Variants in FNDC3A observed in about 807,000 individuals in gnomAD.
FNDC3A encodes the protein fibronectin type-III domain-containing protein 3A.
FNDC3A carries 32 observed loss-of-function variants against 148.9 expected under a neutral mutation model. That is an observed-to-expected ratio of 0.21 (90% CI 0.16 to 0.29). The LOEUF is 0.29. Among genes scored for constraint, FNDC3A ranks in the 10% least tolerant of loss-of-function variants. The probability of loss-of-function intolerance (pLI) is 1.00; values close to 1 mark genes in which losing one functional copy is unlikely to be tolerated. For synonymous variants in FNDC3A, 472 were observed against 473.6 expected (o/e 1.00, Z 0.04); for missense variants, 1,191 against 1,452.8 (o/e 0.82, Z 2.93).
At chr13:48,991,876 A>G (rs954388447) in intron 1 of FNDC3A, among the ~76,000 whole-genome samples, 4 of 152,350 alleles carry the variant, frequency 2.6e-5, no homozygotes, top group African/African-American at 7.2e-5. Flanking sequence ...AGCCTAGCCT[A>G]TCTTAAATGT....
At chr13:49,157,664 G>C (rs1883788160) in intron 8 of FNDC3A, among the ~76,000 whole-genome samples, 1 of 147,132 alleles carries the variant, frequency 6.8e-6, no homozygotes. Flanking sequence ...ATCTACTTTT[G>C]GTCTTTGATG....
At chr13:49,173,405 T>C (rs1884864866) in intron 11 of FNDC3A, among the ~76,000 whole-genome samples, 1 of 152,196 alleles carries the variant, frequency 6.6e-6, no homozygotes, top group African/African-American at 2.4e-5. Context: ...TTGATAAAAA[T>C]TACCATTCAT....
At position 49,090,151 on chromosome 13, in the gene FNDC3A, G is replaced by A. The variant is rs527605326; in HGVS notation, c.175+14787G>A. Among the ~76,000 whole-genome samples, 31 of 152,256 alleles carry A rather than the reference G, an allele frequency of 2.0e-4. No individual in the cohort carries two copies. The East Asian group carries it at 5.6e-3, about 28-fold the overall frequency. On this transcript the variant is annotated intron_variant, in intron 3 of 25. Coordinates refer to ENST00000492622, the MANE Select transcript of FNDC3A (RefSeq NM_001079673.2). ...AGAACATATCCCAGAGGCCAGACGC[G>A]CTGGCTCACACCTGTAATCCCAGCA...
intron 16 of FNDC3A, chr13:49,187,492 A>ATT (rs1184101828): frequency 1.3e-6 from 2 of 1,536,554 alleles, no homozygotes; most frequent in Non-Finnish European, 1.8e-6. Flanking sequence ...TGTTTTAAGT[A>ATT]GTTGTTGTCT....
At chr13:48,992,606 C>T (rs948631457) in intron 1 of FNDC3A, among the ~76,000 whole-genome samples, 4 of 152,054 alleles carry the variant, frequency 2.6e-5, no homozygotes, top group South Asian at 2.1e-4. Flanking sequence ...TGAGAGATGA[C>T]GGGTAAGTTC....
intron 2 of FNDC3A, among the ~76,000 whole-genome samples, chr13:49,025,677 G>T (rs1873654645): frequency 6.6e-6 from 1 of 152,046 alleles, no homozygotes; most frequent in Admixed American, 6.6e-5. Flanking sequence ...ATCTTGAGGT[G>T]ATTAATTGGA....
In FNDC3A at chr13:49,185,966, T is replaced by G; in HGVS notation, c.1620T>G (p.Val540=). 6.2e-7 allele frequency: 1 copy of G among 1,609,806 alleles called. No homozygotes were observed. Among genetic ancestry groups the G allele is most frequent in the Non-Finnish European group, 8.5e-7 (1 of 1,176,872 alleles). The change falls in exon 15 of 26, where the codon GTT becomes GTG. Residue 540 remains valine (V), a splice_region_variant and synonymous_variant. Coordinates refer to ENST00000492622, the MANE Select transcript of FNDC3A (RefSeq NM_001079673.2). ...ATGTCTTTCTGTTCTCATCACAGGT[T>G]ATTGCTTACAACTCAGAAGGTAAAA... ...LRRSTKYKFK[V]IAYNSEGKSN...
intron 23 of FNDC3A, among the ~76,000 whole-genome samples, chr13:49,200,890 C>T (rs1197024734): frequency 6.6e-6 from 1 of 151,234 alleles, no homozygotes; most frequent in African/African-American, 2.4e-5. Flanking sequence ...TTAGTTGTTC[C>T]CTGATCCAGA....
chr13:49,069,038 G>C (rs1428286309), intron 2 of FNDC3A, among the ~76,000 whole-genome samples: 1 of 151,930 alleles, frequency 6.6e-6, no homozygotes, highest in African/African-American at 2.4e-5. Context: ...AAACCTACAC[G>C]TGTACCGTGA....
intron 8 of FNDC3A, among the ~76,000 whole-genome samples, chr13:49,154,576 G>C (rs1301549511): frequency 2.1e-3 from 170 of 81,108 alleles, no homozygotes; most frequent in African/African-American, 8.3e-3. Context: ...AGTGGTGAGA[G>C]AGGGCATCCC....
intron 2 of FNDC3A, among the ~76,000 whole-genome samples, chr13:49,037,229 G>A (rs930544082): frequency 6.6e-6 from 1 of 152,192 alleles, no homozygotes; most frequent in Non-Finnish European, 1.5e-5. Context: ...TGCATAGATA[G>A]TGCTTACTAT....
At chr13:49,114,420 C>G (rs572052860) in intron 3 of FNDC3A, among the ~76,000 whole-genome samples, 16 of 151,284 alleles carry the variant, frequency 1.1e-4, no homozygotes, top group South Asian at 4.2e-4. Context: ...TCCCCGCCCC[C>G]CACCACCCCT....
At chr13:48,980,077 A>AT (rs1372972623) in intron 1 of FNDC3A, among the ~76,000 whole-genome samples, 1 of 152,170 alleles carries the variant, frequency 6.6e-6, no homozygotes, top group Non-Finnish European at 1.5e-5. Flanking sequence ...CTAAAAAAAA[A>AT]GTATGTAGAA....
chr13:49,081,553 G>T (rs533758510), intron 3 of FNDC3A, among the ~76,000 whole-genome samples: 1 of 152,236 alleles, frequency 6.6e-6, no homozygotes, highest in East Asian at 1.9e-4. Context: ...CATCATGTAG[G>T]ACTTAGAACA....
intron 2 of FNDC3A, among the ~76,000 whole-genome samples, chr13:49,052,724 A>G (rs1385391489): frequency 1.3e-5 from 2 of 152,118 alleles, no homozygotes; most frequent in Non-Finnish European, 2.9e-5. Flanking sequence ...AACTTGCCCT[A>G]GGGACACCTG....
At chr13:49,193,142 C>A (rs892920095) in intron 19 of FNDC3A, among the ~76,000 whole-genome samples, 1 of 152,182 alleles carries the variant, frequency 6.6e-6, no homozygotes, top group Admixed American at 6.5e-5. Context: ...CCTTTCCATG[C>A]TCTCCATGAA....
At chr13:49,091,080 C>T (rs1191680148) in intron 3 of FNDC3A, among the ~76,000 whole-genome samples, 1 of 152,092 alleles carries the variant, frequency 6.6e-6, no homozygotes. Flanking sequence ...ATGTACATCT[C>T]AGGCTGATCC....
At chr13:49,118,741 A>T (rs982115246) in intron 4 of FNDC3A, among the ~76,000 whole-genome samples, 1 of 152,214 alleles carries the variant, frequency 6.6e-6, no homozygotes, top group African/African-American at 2.4e-5. Flanking sequence ...GCCACCAGGA[A>T]GCTGGAACTG....
intron 3 of FNDC3A, among the ~76,000 whole-genome samples, chr13:49,090,599 C>T (rs1371026272): frequency 4.0e-5 from 6 of 151,690 alleles, no homozygotes; most frequent in Non-Finnish European, 8.8e-5. Flanking sequence ...CCCCCCCACC[C>T]CACCCCCTGG....
Sources: allele counts gnomAD v4.1 joint callset (sites outside exome capture counted in the v4.1 genomes callset), GRCh38; gene constraint gnomAD v4.1.1; transcripts MANE v1.5; gene names NCBI Gene and HGNC (gene_info 2026-07-23, HGNC 2026-07-21).